Variants in LGSN observed in about 807,000 individuals in gnomAD.
LGSN encodes the protein lengsin.
Under a neutral mutation model 19.5 loss-of-function variants are expected in LGSN, and 21 were observed. That is an observed-to-expected ratio of 1.07 (90% CI 0.76 to 1.55). The LOEUF is 1.55. LGSN is among the 40% of genes most tolerant of loss of function. The pLI is 0.00. For synonymous variants in LGSN, 257 were observed against 215.6 expected, an observed-to-expected ratio of 1.19 and a Z score of -1.68; for missense variants, 673 against 608.5, an observed-to-expected ratio of 1.11 and a Z score of -1.12.
the LGSN span, among the ~76,000 whole-genome samples, chr6:63,355,315 G>T: frequency 1.3e-5 from 2 of 152,104 alleles, no homozygotes; most frequent in Non-Finnish European, 2.9e-5. Flanking sequence ...ATTGAGTGCT[G>T]GGCACTGTTC....
the LGSN span, among the ~76,000 whole-genome samples, chr6:63,337,740 C>T: frequency 2.7e-5 from 4 of 148,956 alleles, no homozygotes; most frequent in African/African-American, 9.9e-5. Flanking sequence ...GGAAGTTGAG[C>T]CTGCAGTGAG....
chr6:63,299,683 G>A (rs185546688), intron 1 of LGSN, among the ~76,000 whole-genome samples: 220 of 152,210 alleles, frequency 1.4e-3, no homozygotes, highest in African/African-American at 4.8e-3. Flanking sequence ...GCCCTTGTCC[G>A]TGTCTGTCTA....
the LGSN span, among the ~76,000 whole-genome samples, chr6:63,553,847 G>T: frequency 2.0e-5 from 3 of 152,166 alleles, no homozygotes; most frequent in Non-Finnish European, 4.4e-5. Flanking sequence ...AATTGTAATG[G>T]AGTACAATTA....
At chr6:63,337,922 G>T in the LGSN span, among the ~76,000 whole-genome samples, 1 of 151,958 alleles carries the variant, frequency 6.6e-6, no homozygotes, top group East Asian at 1.9e-4. Context: ...GTCTTGCTCT[G>T]TTGCCCAGGC....
At chr6:63,314,899 C>T (rs376866584) in intron 1 of LGSN, among the ~76,000 whole-genome samples, 2 of 152,112 alleles carry the variant, frequency 1.3e-5, no homozygotes, top group South Asian at 4.1e-4. Flanking sequence ...TTTTCTCTAG[C>T]AAAGCTCAGC....
chr6:63,396,067 C>T, the LGSN span: 1 of 154,000 alleles, frequency 6.5e-6, no homozygotes, highest in Non-Finnish European at 1.4e-5. Context: ...ACAGATGAGG[C>T]ATTTTGCAGA....
the LGSN span, among the ~76,000 whole-genome samples, chr6:63,460,931 G>A: frequency 2.6e-5 from 4 of 152,136 alleles, no homozygotes; most frequent in African/African-American, 7.2e-5. Context: ...AATGTGTATA[G>A]TACCACAGGC....
chr6:63,319,528 T>G (rs1769006081), intron 1 of LGSN, among the ~76,000 whole-genome samples: 1 of 152,200 alleles, frequency 6.6e-6, no homozygotes, highest in Non-Finnish European at 1.5e-5. Flanking sequence ...CCACCTTTAG[T>G]CATTTAATCT....
the LGSN span, among the ~76,000 whole-genome samples, chr6:63,401,476 A>G: frequency 6.6e-6 from 1 of 152,198 alleles, no homozygotes. Flanking sequence ...CAAAAATAAC[A>G]AGGTTATAAC....
At chr6:63,524,098 T>C in the LGSN span, among the ~76,000 whole-genome samples, 5 of 152,046 alleles carry the variant, frequency 3.3e-5, no homozygotes, top group Non-Finnish European at 5.9e-5. Flanking sequence ...TCTCCCCATG[T>C]CTCAGCTTTC....
chr6:63,439,349 G>A, the LGSN span, among the ~76,000 whole-genome samples: 1 of 151,790 alleles, frequency 6.6e-6, no homozygotes, highest in African/African-American at 2.4e-5. Context: ...AAAACTTAAA[G>A]TATAATAATA....
At chr6:63,546,235 T>C in the LGSN span, among the ~76,000 whole-genome samples, 799 of 152,286 alleles carry the variant, frequency 5.2e-3, 1 homozygote, top group African/African-American at 0.018. Context: ...TCCTTTGCTA[T>C]GACATGAATG....
At chr6:63,336,840 C>T in the LGSN span, among the ~76,000 whole-genome samples, 437 of 152,026 alleles carry the variant, frequency 2.9e-3, 3 homozygotes, top group African/African-American at 9.9e-3. Flanking sequence ...CCTCAGGCAA[C>T]AGTACCGCCT....
At chr6:63,288,074 C>T (rs1363123818) in intron 2 of LGSN, among the ~76,000 whole-genome samples, 1 of 151,444 alleles carries the variant, frequency 6.6e-6, no homozygotes, top group Non-Finnish European at 1.5e-5. Flanking sequence ...AAAAACTAGC[C>T]AGGCATGGTG....
rs1767151223 is a variant in LGSN at position 63,278,091 on chromosome 6, A to AG, written c.*1929_*1930insC. ...ACTCCATCTCGGAAAAAAAAAAAAA[A>AG]TACAAGAAAAGAAAAGAAAATGTCC... On this transcript the variant is annotated 3_prime_UTR_variant, in exon 4 of 4. Transcript: ENST00000370657. 1 of 151,844 alleles carries AG rather than the reference A, an allele frequency of 6.6e-6. No homozygotes were observed. The highest frequency in any genetic ancestry group is 2.4e-5 in the African/African-American group (1 of 41,226). 9.4% of individuals were successfully genotyped at this position (151,844 alleles called of 1,614,324 possible). A position where few individuals can be genotyped will look rare whatever the true frequency, so the allele number is the denominator to read the frequency against.
chr6:63,300,259 G>T (rs1381981853), intron 1 of LGSN, among the ~76,000 whole-genome samples: 1 of 152,222 alleles, frequency 6.6e-6, no homozygotes, highest in Non-Finnish European at 1.5e-5. Context: ...TAGGGACCCA[G>T]ATGGGCCCTG....
the LGSN span, among the ~76,000 whole-genome samples, chr6:63,561,460 T>C: frequency 2.6e-4 from 40 of 152,214 alleles, no homozygotes; most frequent in Non-Finnish European, 4.6e-4. Flanking sequence ...CAGTGCCTGA[T>C]AAACACTGAC....
the LGSN span, chr6:63,481,811 C>T: frequency 2.2e-5 from 7 of 311,552 alleles, no homozygotes; most frequent in Non-Finnish European, 4.4e-5. Flanking sequence ...AACAGATATG[C>T]GGGAGGAGCA....
Position 63,280,957 on chromosome 6 carries a change from A to C in LGSN, c.594T>G (p.Ser198=), listed in dbSNP as rs779885598. 2 of 1,614,212 alleles carry C rather than the reference A, an allele frequency of 1.2e-6. No individual in the cohort carries two copies. The highest frequency in any genetic ancestry group is 2.2e-5 in the South Asian group (2 of 91,082). The change falls in exon 4 of 4, where the codon TCT becomes TCG. Residue 198 remains serine, a synonymous_variant. Transcript: ENST00000370657. ...AKRQLSHLQA[S]GFSLLSAFIY... Reference sequence around the variant, plus strand: ...TGAAAGCAGAAAGCAGGGAAAAGCCAGAGGCCTGCAGATGGCTCAGCTGCC... The same window carrying C: ...TGAAAGCAGAAAGCAGGGAAAAGCCCGAGGCCTGCAGATGGCTCAGCTGCC...
Sources: gnomAD v4.1 joint callset for allele counts (sites outside exome capture counted in the v4.1 genomes callset) on GRCh38, gnomAD v4.1.1 for gene constraint, MANE v1.5 for transcripts, NCBI Gene and HGNC (gene_info 2026-07-23, HGNC 2026-07-21) for gene names.